Variants in C1GALT1 observed in about 807,000 individuals in gnomAD.
The protein encoded by C1GALT1 is glycoprotein-N-acetylgalactosamine 3-beta-galactosyltransferase 1.
C1GALT1 carries 11 observed loss-of-function variants against 31.0 expected under a neutral mutation model. The observed-to-expected ratio is 0.36, with a 90% CI of 0.22 to 0.59. The LOEUF (loss-of-function observed/expected upper bound fraction) is 0.59. Ranked by LOEUF, C1GALT1 falls within the 20% of genes least tolerant of loss-of-function variation. C1GALT1 has a pLI of 0.79. For missense variants in C1GALT1, 424 were observed against 425.2 expected (o/e 1.00, Z 0.03); for synonymous variants, 175 against 143.6 (o/e 1.22, Z -1.56).
intron 1 of C1GALT1, among the ~76,000 whole-genome samples, chr7:7,222,575 AT>A (rs1399293871): frequency 2.0e-5 from 3 of 152,170 alleles, no homozygotes; most frequent in Admixed American, 6.5e-5. Flanking sequence ...TACTATTTGA[AT>A]TCTGATTTGA....
At chr7:7,188,323 T>G (rs1013748777) in intron 1 of C1GALT1, among the ~76,000 whole-genome samples, 1 of 152,136 alleles carries the variant, frequency 6.6e-6, no homozygotes, top group African/African-American at 2.4e-5. Flanking sequence ...AGGAAAGTAA[T>G]GAGTCACTTT....
intron 1 of C1GALT1, among the ~76,000 whole-genome samples, chr7:7,209,797 C>T (rs1781909488): frequency 6.6e-6 from 1 of 152,180 alleles, no homozygotes; most frequent in Non-Finnish European, 1.5e-5. Flanking sequence ...TTTTATTTCA[C>T]CTGGGTGCAG....
At chr7:7,228,146 T>C (rs962671509) in intron 1 of C1GALT1, among the ~76,000 whole-genome samples, 1 of 152,168 alleles carries the variant, frequency 6.6e-6, no homozygotes, top group Non-Finnish European at 1.5e-5. Flanking sequence ...ATTTTTGTTA[T>C]TGCTAGAGAG....
chr7:7,196,623 C>T (rs78124300), intron 1 of C1GALT1, among the ~76,000 whole-genome samples: 4,136 of 152,280 alleles, frequency 0.027, 106 homozygotes, highest in African/African-American at 0.071. Context: ...GTTCTAGATC[C>T]TTGAGGAATT....
chr7:7,217,321 T>TG (rs531804445), intron 1 of C1GALT1, among the ~76,000 whole-genome samples: 32 of 149,718 alleles, frequency 2.1e-4, no homozygotes, highest in African/African-American at 5.2e-4. Flanking sequence ...GCTGAGGGGG[T>TG]GGGGGGGCTC....
At chr7:7,176,525 C>T (rs1418591755) in intron 2 of C1GALT1, among the ~76,000 whole-genome samples, 1 of 152,140 alleles carries the variant, frequency 6.6e-6, no homozygotes, top group Non-Finnish European at 1.5e-5. Flanking sequence ...CAAAGAGTAA[C>T]CCCAGGGATT....
At chr7:7,199,576 C>G in intron 1 of C1GALT1, among the ~76,000 whole-genome samples, 1 of 149,892 alleles carries the variant, frequency 6.7e-6, no homozygotes, top group Non-Finnish European at 1.5e-5. Flanking sequence ...GAGCTGAGTT[C>G]AATTCCTGGA....
At chr7:7,190,324 C>T (rs952740041) in intron 1 of C1GALT1, among the ~76,000 whole-genome samples, 2 of 151,544 alleles carry the variant, frequency 1.3e-5, no homozygotes, top group Admixed American at 1.3e-4. Context: ...TACAAAATCG[C>T]GATACATGTG....
intron 1 of C1GALT1, among the ~76,000 whole-genome samples, chr7:7,203,727 A>G (rs77821702): frequency 0.034 from 5,166 of 152,012 alleles, 176 homozygotes; most frequent in African/African-American, 0.095. Context: ...GTCATTGTAC[A>G]TATTTATGGA....
rs781066828 is a variant in C1GALT1, at chr7:7,238,592, C to T, written c.558C>T (p.Tyr186=). Reference sequence around the variant, plus strand: ...ATTTGAGGTGGCTTCTTTCAAAATACGACCCTGAAGAACCCATTTACTTTG... The same window carrying T: ...ATTTGAGGTGGCTTCTTTCAAAATATGACCCTGAAGAACCCATTTACTTTG... ...LDNLRWLLSK[Y]DPEEPIYFGR... Residue 186 remains tyrosine (Y), a synonymous_variant, in exon 3 of 4, where the codon TAC becomes TAT. Coordinates refer to ENST00000436587, the MANE Select transcript of C1GALT1 (RefSeq NM_020156.5). This position sits in a 1 kb window ranked among gnomAD's most constrained non-coding sequence, Gnocchi z 5.2. 3.7e-6 allele frequency: 6 copies of T among 1,613,888 alleles called. No homozygotes were observed. In the East Asian group the frequency reaches 8.9e-5, roughly 24 times the overall value.
intron 1 of C1GALT1, among the ~76,000 whole-genome samples, chr7:7,194,107 A>G (rs952502095): frequency 1.3e-5 from 2 of 152,084 alleles, no homozygotes; most frequent in African/African-American, 4.8e-5. Context: ...GTGTATGATC[A>G]TATCATCAGC....
chr7:7,237,793 G>A (rs1190599700), intron 2 of C1GALT1, among the ~76,000 whole-genome samples: 3 of 152,168 alleles, frequency 2.0e-5, no homozygotes, highest in African/African-American at 7.2e-5. Context: ...GTTCAGAGCA[G>A]TGAGAAATTT....
At chr7:7,200,155 T>G (rs1314691919) in intron 1 of C1GALT1, among the ~76,000 whole-genome samples, 5 of 152,206 alleles carry the variant, frequency 3.3e-5, no homozygotes, top group Non-Finnish European at 4.4e-5. Flanking sequence ...TTACAATTTG[T>G]CATGTTTTTG....
chr7:7,215,385 C>T (rs1482748508), intron 1 of C1GALT1, among the ~76,000 whole-genome samples: 3 of 151,886 alleles, frequency 2.0e-5, no homozygotes, highest in Non-Finnish European at 2.9e-5. Context: ...ATCCCTTTGC[C>T]AGTTTGTGCC....
At chr7:7,185,403 G>T (rs375400370) in intron 1 of C1GALT1, among the ~76,000 whole-genome samples, 4 of 152,246 alleles carry the variant, frequency 2.6e-5, no homozygotes, top group South Asian at 2.1e-4. Context: ...AACAAAATAC[G>T]ACAAACTGGG....
At chr7:7,186,737 G>A (rs1169056282) in intron 1 of C1GALT1, among the ~76,000 whole-genome samples, 1 of 152,216 alleles carries the variant, frequency 6.6e-6, no homozygotes, top group Non-Finnish European at 1.5e-5. Context: ...GAACAGTTAA[G>A]TGTGAAGACC....
At chr7:7,173,138 G>T (rs1594575) in intron 2 of C1GALT1, among the ~76,000 whole-genome samples, 51,237 of 151,826 alleles carry the variant, frequency 0.34, 8,830 homozygotes, top group East Asian at 0.49. Context: ...GGTGGGAGCT[G>T]TTTGGACCAT....
chr7:7,181,348 G>A (rs1780584211), upstream of C1GALT1, among the ~76,000 whole-genome samples: 1 of 151,826 alleles, frequency 6.6e-6, no homozygotes, highest in Non-Finnish European at 1.5e-5. Context: ...AGGCAGAGAA[G>A]TCTGGACCCA....
intron 2 of C1GALT1, among the ~76,000 whole-genome samples, chr7:7,170,674 T>C (rs1780443742): frequency 6.6e-6 from 1 of 152,090 alleles, no homozygotes; most frequent in South Asian, 2.1e-4. Flanking sequence ...TCCCACTTAC[T>C]CAGGAAGCTG....
Sources: gnomAD v4.1 joint callset for allele counts (sites outside exome capture counted in the v4.1 genomes callset) on GRCh38, gnomAD v4.1.1 for gene constraint, Gnocchi (gnomAD v3.1) non-coding constraint, MANE v1.5 for transcripts, NCBI Gene and HGNC (gene_info 2026-07-23, HGNC 2026-07-21) for gene names.